The following PDE7A variants were observed in gnomAD, a reference collection of about 807,000 sequenced individuals.
PDE7A encodes the protein phosphodiesterase 7A.
PDE7A carries 39 observed loss-of-function variants against 64.3 expected under a neutral mutation model. The ratio of observed to expected loss-of-function variants is 0.61; its 90% CI spans 0.47 to 0.79. PDE7A has a LOEUF of 0.79. Among genes scored for constraint, PDE7A ranks in the 30% least tolerant of loss-of-function variants. The pLI, the probability that PDE7A is intolerant of heterozygous loss-of-function variation, is 0.00. For missense variants in PDE7A, 470 were observed against 582.8 expected, an observed-to-expected ratio of 0.81 and a Z score of 1.99; for synonymous variants, 203 against 206.8, an observed-to-expected ratio of 0.98 and a Z score of 0.16.
At chr8:65,788,512 A>G (rs992311296) in intron 1 of PDE7A, among the ~76,000 whole-genome samples, 8 of 152,218 alleles carry the variant, frequency 5.3e-5, no homozygotes, top group Non-Finnish European at 7.3e-5. Context: ...CTTTAAATAC[A>G]CAAGTGTTAT....
At chr8:65,829,585 T>A (rs1003182792) in intron 1 of PDE7A, among the ~76,000 whole-genome samples, 1 of 152,118 alleles carries the variant, frequency 6.6e-6, no homozygotes, top group Non-Finnish European at 1.5e-5. Flanking sequence ...AGCAACAGAT[T>A]AAAAGTTGGA....
At position 65,718,921 on chromosome 8, in the gene PDE7A, A is replaced by C. The variant is rs1228302218; in HGVS notation, c.*369T>G. The C allele has an allele frequency of 1.9e-5, 5 of 267,000 alleles. No individual in the cohort carries two copies. Among genetic ancestry groups the C allele is most frequent in the Non-Finnish European group, 2.9e-5 (4 of 136,230 alleles). The allele number at this position is 267,000 out of a possible 1,614,324, so 16.5% of individuals were successfully genotyped here. ...GGTACAAGATACACATTGTTGCATC[A>C]GACTGGTTAAATTCCAAGAGATTGT... On this transcript the variant is annotated 3_prime_UTR_variant, in exon 13 of 13. Transcript: ENST00000401827.
At chr8:65,726,655 T>C (rs1806624386) in intron 9 of PDE7A, among the ~76,000 whole-genome samples, 2 of 152,186 alleles carry the variant, frequency 1.3e-5, no homozygotes, top group Admixed American at 6.5e-5. Context: ...TTCAAACCCA[T>C]GGAATAGTCT....
chr8:65,824,137 T>C (rs1314539179), intron 1 of PDE7A, among the ~76,000 whole-genome samples: 1 of 152,216 alleles, frequency 6.6e-6, no homozygotes, highest in Admixed American at 6.5e-5. Flanking sequence ...TTTTCCCAAC[T>C]GCATCTGCTC....
intron 7 of PDE7A, chr8:65,728,051 C>T (rs1355504008): frequency 1.3e-5 from 2 of 152,124 alleles, no homozygotes; most frequent in Non-Finnish European, 2.9e-5. Context: ...CATGAAATGC[C>T]TCTCATTTTC....
intron 1 of PDE7A, among the ~76,000 whole-genome samples, chr8:65,811,113 G>A (rs78936726): frequency 0.057 from 8,712 of 152,150 alleles, 355 homozygotes; most frequent in Middle Eastern, 0.11. Flanking sequence ...CAGTGCTAGC[G>A]GTTAAAATGA....
intron 1 of PDE7A, among the ~76,000 whole-genome samples, chr8:65,810,024 G>A (rs936439526): frequency 3.9e-5 from 6 of 152,046 alleles, no homozygotes; most frequent in East Asian, 1.9e-4. Context: ...TATAAGTCAC[G>A]CTACTATAAA....
chr8:65,738,653 C>T (rs1437443237), intron 6 of PDE7A, among the ~76,000 whole-genome samples: 1 of 151,972 alleles, frequency 6.6e-6, no homozygotes, highest in Non-Finnish European at 1.5e-5. Flanking sequence ...AGCTGGTCTC[C>T]AACTCGTGGC....
At chr8:65,834,242 G>A (rs183819764) in intron 1 of PDE7A, among the ~76,000 whole-genome samples, 2 of 152,022 alleles carry the variant, frequency 1.3e-5, no homozygotes, top group African/African-American at 4.8e-5. Context: ...CCTTTACAAC[G>A]ATCCACCTCC....
chr8:65,730,168 C>CTTTTTTTTTTTTTT (rs1563473710), intron 7 of PDE7A, among the ~76,000 whole-genome samples: 3 of 31,670 alleles, frequency 9.5e-5, no homozygotes, highest in Non-Finnish European at 1.2e-4. Flanking sequence ...AGGTTGCGCA[C>CTTTTTTTTTTTTTT]TTCTTTTTTT....
chr8:65,773,346 T>C (rs1288446391), intron 3 of PDE7A, among the ~76,000 whole-genome samples: 1 of 152,212 alleles, frequency 6.6e-6, no homozygotes, highest in East Asian at 1.9e-4. Flanking sequence ...GTAATAACTA[T>C]AGGACCAAGT....
In PDE7A at chr8:65,724,802, G is replaced by T; in HGVS notation, c.1040C>A (p.Thr347Asn). 1 of 1,608,568 alleles carries T rather than the reference G, an allele frequency of 6.2e-7. No homozygotes were observed. The highest frequency in any genetic ancestry group is 1.7e-5 in the Admixed American group (1 of 59,236). The change falls in exon 10 of 13, where the codon ACC becomes AAC. Residue 347 changes from threonine to asparagine, a missense_variant. Coordinates refer to ENST00000401827, the MANE Select transcript of PDE7A (RefSeq NM_001242318.3). ...CTGTAAAACCAAATGTCTGTGTCTG[G>T]TGTCTTCTAGGCATAAATCACCTCT... The part of the protein sequence containing the change: ...LDRGDLCLED[T>N]RHRHLVLQMA...
chr8:65,778,884 G>A (rs1037991567), intron 3 of PDE7A, among the ~76,000 whole-genome samples: 24 of 152,174 alleles, frequency 1.6e-4, no homozygotes, highest in African/African-American at 4.6e-4. Context: ...GATTCCAACC[G>A]AAGCCTGAAT....
intron 1 of PDE7A, among the ~76,000 whole-genome samples, chr8:65,798,821 A>G (rs955973891): frequency 2.6e-5 from 4 of 152,206 alleles, no homozygotes; most frequent in Admixed American, 6.5e-5. Flanking sequence ...TTTTATTCCT[A>G]AAAGTCAAAG....
chr8:65,821,107 G>A (rs749644584), intron 1 of PDE7A, among the ~76,000 whole-genome samples: 6 of 152,134 alleles, frequency 3.9e-5, no homozygotes, highest in Middle Eastern at 3.4e-3. Context: ...GCACTAGCTA[G>A]TAGCCTTAAC....
intron 9 of PDE7A, 95 bp from the exon 10 acceptor site, chr8:65,725,016 G>A: frequency 3.0e-6 from 2 of 672,738 alleles, no homozygotes; most frequent in Non-Finnish European, 4.6e-6. Context: ...AGGCTTTATA[G>A]AACCCTAAAA....
intron 1 of PDE7A, among the ~76,000 whole-genome samples, chr8:65,839,323 A>C (rs948835960): frequency 7.0e-6 from 1 of 143,508 alleles, no homozygotes; most frequent in Non-Finnish European, 1.5e-5. Context: ...TAAAAATTTA[A>C]GGGTAAAGAA....
intron 1 of PDE7A, among the ~76,000 whole-genome samples, chr8:65,829,963 G>A (rs148680816): frequency 6.6e-6 from 1 of 152,098 alleles, no homozygotes; most frequent in Non-Finnish European, 1.5e-5. Flanking sequence ...AGAGTAAAGA[G>A]AATTGATGAT....
chr8:65,810,005 C>A (rs191748745), intron 1 of PDE7A, among the ~76,000 whole-genome samples: 1 of 152,080 alleles, frequency 6.6e-6, no homozygotes, highest in Non-Finnish European at 1.5e-5. Context: ...GGGTATATAC[C>A]CCAAGGATTA....
Sources: gnomAD v4.1 joint callset for allele counts (sites outside exome capture counted in the v4.1 genomes callset) on GRCh38, gnomAD v4.1.1 for gene constraint, MANE v1.5 for transcripts, NCBI Gene and HGNC (gene_info 2026-07-23, HGNC 2026-07-21) for gene names.